The following PDZD7 variants were observed in gnomAD, a reference collection of about 807,000 sequenced individuals.
PDZD7 encodes the protein PDZ domain containing 7, also known as PDZ domain-containing protein 7.
A neutral mutation model predicts 84.7 loss-of-function variants in PDZD7; 72 were observed. The ratio of observed to expected loss-of-function variants is 0.85; its 90% CI spans 0.70 to 1.03. PDZD7 has a LOEUF of 1.03. Among genes scored for constraint, PDZD7 ranks in the 50% least tolerant of loss-of-function variants. The pLI, the probability that PDZD7 is intolerant of heterozygous loss-of-function variation, is 0.00. For synonymous variants in PDZD7, 594 were observed against 580.7 expected (o/e 1.02, Z -0.33); for missense variants, 1,490 against 1,412.9 (o/e 1.05, Z -0.87).
At chr10:101,011,605 T>C in intron 14 of PDZD7, 85 bp downstream of exon 14, 2 of 1,510,080 alleles carry the variant, frequency 1.3e-6, no homozygotes, top group Middle Eastern at 1.7e-4. Context: ...CTGCCCCTAG[T>C]GGGGAAAGAA....
rs1310439158 is a variant in PDZD7, at chr10:101,021,897, G to A, written c.768C>T (p.Asp256=). The change falls in exon 6 of 17, where the codon GAC becomes GAT. Residue 256 remains aspartate (D), a synonymous_variant. Transcript: ENST00000619208. The part of the protein sequence containing the change: ...LAEENGIKVG[D]QVLAANGVRF... ...TGACACCGTTGGCTGCCAGGACCTG[G>A]TCCCCCACCTTGATGCCATTCTCCT... 8.7e-6 allele frequency: 14 copies of A among 1,614,098 alleles called. No individual in the cohort carries two copies. Among genetic ancestry groups the A allele is most frequent in the Non-Finnish European group, 1.1e-5 (13 of 1,180,024 alleles).
intron 9 of PDZD7, chr10:101,017,690 G>A (rs1852699113): frequency 4.4e-6 from 3 of 687,758 alleles, no homozygotes; most frequent in African/African-American, 1.8e-5. Flanking sequence ...GGAGGCTGAG[G>A]TGGGAGGATC....
chr10:101,013,248 T>C (rs1439505074), intron 11 of PDZD7, among the ~76,000 whole-genome samples: 3 of 152,236 alleles, frequency 2.0e-5, no homozygotes, highest in South Asian at 2.1e-4. Flanking sequence ...CAGCCTCATA[T>C]GTGCACACGC....
At position 101,008,554 on chromosome 10, in the gene PDZD7, C is replaced by T. The variant is rs890671396; in HGVS notation, c.3015G>A (p.Arg1005=). The change falls in exon 17 of 17, where the codon AGG becomes AGA. Residue 1005 remains arginine (R), a synonymous_variant. Transcript: ENST00000619208. ...CTGGGCTGGGAGTTGGCTGGAGGAGCCTGGCATCAGTGGGAGGAGTCTGGG... is the reference window on the plus strand; with the variant it reads ...CTGGGCTGGGAGTTGGCTGGAGGAGTCTGGCATCAGTGGGAGGAGTCTGGG... ...TNPQTPPTDA[R]LLQPTPSPAP... The T allele has an allele frequency of 1.3e-6, 2 of 1,535,318 alleles. No individual in the cohort carries two copies. Among genetic ancestry groups the T allele is most frequent in the East Asian group, 2.4e-5 (1 of 40,876 alleles).
In PDZD7 at chr10:101,010,315, G is replaced by A. The variant is rs769474600; in HGVS notation, c.2574C>T (p.Gly858=). ...TGGACAGTGTCACTGTCTTCAGCTC[G>A]CCACTGGGGTTCTTCATGGCTGCCT... is the stretch of plus-strand genomic sequence containing the variant. ...AKEAAMKNPS[G]ELKTVTLSKM... is the part of the protein sequence containing the mutation. Residue 858 remains glycine, a synonymous_variant, in exon 15 of 17, where the codon GGC becomes GGT. Coordinates refer to ENST00000619208, the MANE Select transcript of PDZD7 (RefSeq NM_001195263.2). 8.5e-5 allele frequency: 130 copies of A among 1,535,384 alleles called. No individual in the cohort carries two copies. The highest frequency in any genetic ancestry group is 2.5e-4 in the South Asian group (21 of 84,064).
At position 101,016,421 on chromosome 10, in the gene PDZD7, C is replaced by A. The variant is rs564604670; in HGVS notation, c.1529G>T (p.Gly510Val). The A allele has an allele frequency of 1.3e-6, 2 of 1,550,614 alleles. No individual in the cohort carries two copies. Among genetic ancestry groups the A allele is most frequent in the Admixed American group, 3.9e-5 (2 of 51,010 alleles). The stretch of plus-strand genomic sequence containing the variant: ...GACAAACTTCTGTACCGGGCCCACG[C>A]CCCCTGCTATGAAGAAGAAAGAGGC... ...YPRLDIEKAG[G>V]VGPVQKFVTW... Residue 510 changes from glycine (G) to valine (V), a missense_variant, in exon 10 of 17, where the codon GGC becomes GTC. Physicochemically the swap from Gly to Val is moderately radical, Grantham distance 109. Transcript: ENST00000619208.
intron 2 of PDZD7, among the ~76,000 whole-genome samples, chr10:101,027,905 G>A (rs1373633394): frequency 1.3e-5 from 2 of 152,202 alleles, no homozygotes; most frequent in Admixed American, 1.3e-4. Context: ...GAGGAGAAAT[G>A]CATTAAGGGT....
rs1335765355 is a variant in PDZD7, at chr10:101,010,509, T to C, written c.2380A>G (p.Arg794Gly). The C allele has an allele frequency of 6.5e-7, 1 of 1,533,524 alleles. No homozygotes were observed. The highest frequency in any genetic ancestry group is 1.2e-5 in the South Asian group (1 of 84,008). 95.0% of individuals were successfully genotyped at this position (1,533,524 alleles called of 1,614,324 possible). ...GTAGGCACCGGGGATGGGGAGCGTC[T>C]ACCTGGAGACTTGCCTTGACCCCGG... is the stretch of plus-strand genomic sequence containing the variant. ...SSRGQGKSPG[R>G]RSPSPVPTPA... is the part of the protein sequence containing the mutation. Residue 794 changes from arginine (R) to glycine (G), a missense_variant, in exon 15 of 17, where the codon AGA (arginine) becomes GGA (glycine). By Grantham distance (125) the Arg-to-Gly change is moderately radical. Coordinates refer to ENST00000619208, the MANE Select transcript of PDZD7 (RefSeq NM_001195263.2).
At chr10:101,009,126 C>T (rs1316557978) in intron 16 of PDZD7, 124 bp downstream of exon 16, 3 of 945,376 alleles carry the variant, frequency 3.2e-6, no homozygotes, top group Admixed American at 4.9e-5. Flanking sequence ...AACCCCCTCA[C>T]CCCAAGCCTC....
chr10:101,009,364 G>A lies in PDZD7; in HGVS notation c.2618-14C>T. 1 of 1,531,350 alleles carries A rather than the reference G, an allele frequency of 6.5e-7. No homozygotes were observed. Among genetic ancestry groups the A allele is most frequent in the South Asian group, 1.2e-5 (1 of 83,956 alleles). 94.9% of individuals were successfully genotyped at this position (1,531,350 alleles called of 1,614,324 possible). A position where few individuals can be genotyped will look rare whatever the true frequency, so the allele number is the denominator to read the frequency against. ...AAATGCTGATACCTAGTGACAGGGA[G>A]AAACACCGTGTGAGAGTGCAGCCGG... On this transcript the variant is annotated splice_polypyrimidine_tract_variant and intron_variant, in intron 15 of 16. Coordinates refer to ENST00000619208, the MANE Select transcript of PDZD7 (RefSeq NM_001195263.2).
chr10:101,016,481 G>T (rs1305007796), intron 9 of PDZD7, 54 bp from the exon 10 acceptor site: 9 of 1,525,158 alleles, frequency 5.9e-6, no homozygotes, highest in African/African-American at 1.4e-5. Flanking sequence ...TCTGAAAATG[G>T]GGTTCAGGAG....
rs368583838 is a variant in PDZD7 at position 101,022,366 on chromosome 10, G to T, written c.562C>A (p.Arg188Ser). Reference protein sequence around the residue: ...KTTWVDVVNRRLVVEKCGSTP... With the variant: ...KTTWVDVVNRSLVVEKCGSTP... The stretch of plus-strand genomic sequence containing the variant: ...GAACCGCACTTCTCCACTACCAGGC[G>T]CCGATTCACCACATCCACCCTGGAC... Residue 188 changes from arginine (R) to serine (S), a missense_variant, in exon 5 of 17, where the codon CGC (arginine) becomes AGC (serine). Arg to Ser is a moderately radical substitution (Grantham distance 110). Coordinates refer to ENST00000619208, the MANE Select transcript of PDZD7 (RefSeq NM_001195263.2). The T allele has an allele frequency of 3.5e-5, 57 of 1,614,142 alleles. No homozygotes were observed. In the East Asian group the frequency reaches 8.5e-4, roughly 24 times the overall value.
At chr10:101,018,535 C>T (rs1267849425) in intron 8 of PDZD7, among the ~76,000 whole-genome samples, 1 of 152,176 alleles carries the variant, frequency 6.6e-6, no homozygotes, top group East Asian at 1.9e-4. Context: ...CACATGCGTG[C>T]GTGTGTTTGA....
In PDZD7 at chr10:101,020,687, G is replaced by A; in HGVS notation, c.868-9C>T. 1 of 1,612,110 alleles carries A rather than the reference G, an allele frequency of 6.2e-7. No individual in the cohort carries two copies. Among genetic ancestry groups the A allele is most frequent in the Non-Finnish European group, 8.5e-7 (1 of 1,178,194 alleles). ...GGATACCGGCCGGTCTCCTGGGGAG[G>A]GGATGGTGGGCATAGGAGGGAAGGG... On this transcript the variant is annotated splice_polypyrimidine_tract_variant and intron_variant, in intron 6 of 16. Transcript: ENST00000619208.
Position 101,010,760 on chromosome 10 carries a change from G to T in PDZD7, c.2129C>A (p.Pro710His). ...VSPSASAPRH[P>H]HKGIPPLQDV... Reference sequence around the variant, plus strand: ...TTGTAGAGGGGGGATCCCTTTATGGGGGTGGCGAGGGGCAGAGGCACTTGG... The same window carrying T: ...TTGTAGAGGGGGGATCCCTTTATGGTGGTGGCGAGGGGCAGAGGCACTTGG... The change falls in exon 15 of 17, where the codon CCC (proline) becomes CAC (histidine). Residue 710 changes from proline (P) to histidine (H), a missense_variant. Coordinates refer to ENST00000619208, the MANE Select transcript of PDZD7 (RefSeq NM_001195263.2). 20 of 1,534,998 alleles carry T rather than the reference G, an allele frequency of 1.3e-5. No individual in the cohort carries two copies. Among genetic ancestry groups the T allele is most frequent in the Non-Finnish European group, 1.7e-5 (20 of 1,146,564 alleles).
chr10:101,011,741 G>T lies in PDZD7; in HGVS notation c.1954C>A (p.Pro652Thr). ...TTGGGTGGCGTGTCCTGCCGGGCTG[G>T]TCTCAAAGCAGGAGGCCGGACTGGT... Reference protein sequence around the residue: ...SRAVRPPALRPARQDTPPKRH... With the variant: ...SRAVRPPALRTARQDTPPKRH... Residue 652 changes from proline (P) to threonine (T), a missense_variant, in exon 14 of 17, where the codon CCA (proline) becomes ACA (threonine). Transcript: ENST00000619208. 6.5e-7 allele frequency: 1 copy of T among 1,547,894 alleles called. No individual in the cohort carries two copies. Among genetic ancestry groups the T allele is most frequent in the Non-Finnish European group, 8.7e-7 (1 of 1,146,974 alleles).
At position 101,008,394 on chromosome 10, in the gene PDZD7, G is replaced by A; in HGVS notation, c.*73C>T. ...TGGGCAGGAGCTGGAGAGTCCTGAAGAAGTTGGTAGGAGAGGTCCTGGGGA... is the reference window on the plus strand; with the variant it reads ...TGGGCAGGAGCTGGAGAGTCCTGAAAAAGTTGGTAGGAGAGGTCCTGGGGA... On this transcript the variant is annotated 3_prime_UTR_variant, in exon 17 of 17. Coordinates refer to ENST00000619208, the MANE Select transcript of PDZD7 (RefSeq NM_001195263.2). The A allele has an allele frequency of 7.2e-7, 1 of 1,393,308 alleles. No homozygotes were observed. The highest frequency in any genetic ancestry group is 2.5e-5 in the East Asian group (1 of 39,898). The allele number at this position is 1,393,308 out of a possible 1,614,324, so 86.3% of individuals were successfully genotyped here. A position where few individuals can be genotyped will look rare whatever the true frequency, so the allele number is the denominator to read the frequency against.
Position 101,010,429 on chromosome 10 carries a change from G to A in PDZD7, c.2460C>T (p.Pro820=), listed in dbSNP as rs1355095137. The change falls in exon 15 of 17, where the codon CCC becomes CCT. Residue 820 remains proline (P), a synonymous_variant. Transcript: ENST00000619208. ...GRYHKPRKAR[P]PLPRPLDGEA... The stretch of plus-strand genomic sequence containing the variant: ...CCCCATCCAGAGGTCGTGGCAGAGG[G>A]GGTCTGGCCTTCCGAGGCTTGTGGT... 30 of 1,536,024 alleles carry A rather than the reference G, an allele frequency of 2.0e-5. No homozygotes were observed. The South Asian group carries it at 3.6e-4, about 18-fold the overall frequency.
chr10:101,016,347 T>C, intron 10 of PDZD7, 30 bp downstream of exon 10: 2 of 1,550,072 alleles, frequency 1.3e-6, no homozygotes, highest in Non-Finnish European at 1.7e-6. Flanking sequence ...TACTGTAAAC[T>C]AGGCCTTGGT....
Sources: gnomAD v4.1 joint callset for allele counts (sites outside exome capture counted in the v4.1 genomes callset) on GRCh38, gnomAD v4.1.1 for gene constraint, MANE v1.5 for transcripts, NCBI Gene and HGNC (gene_info 2026-07-23, HGNC 2026-07-21) for gene names.